MYO1D: variants seen among roughly 807,000 people sequenced by gnomAD.
The protein encoded by MYO1D is myosin ID, also known as unconventional myosin-Id.
A neutral mutation model predicts 122.0 loss-of-function variants in MYO1D; 83 were observed. That is an observed-to-expected ratio of 0.68 (90% CI 0.57 to 0.82). The LOEUF is 0.82. MYO1D is among the 40% of genes least tolerant of loss of function. The probability of loss-of-function intolerance (pLI) is 0.00; values close to 1 mark genes in which losing one functional copy is unlikely to be tolerated. For synonymous variants in MYO1D, 464 were observed against 446.9 expected, an observed-to-expected ratio of 1.04 and a Z score of -0.48; for missense variants, 1,157 against 1,269.5, an observed-to-expected ratio of 0.91 and a Z score of 1.35.
intron 1 of MYO1D, among the ~76,000 whole-genome samples, chr17:32,839,611 T>C (rs769220958): frequency 9.2e-5 from 14 of 152,094 alleles, no homozygotes; most frequent in East Asian, 1.9e-4. Flanking sequence ...AGGCAGAGGA[T>C]GAAGGGAAGC....
At chr17:32,616,718 C>T (rs1308044554) in intron 20 of MYO1D, among the ~76,000 whole-genome samples, 2 of 152,130 alleles carry the variant, frequency 1.3e-5, no homozygotes, top group South Asian at 4.1e-4. Context: ...TGCCACTCCT[C>T]CCATAGAAAG....
At chr17:32,872,745 G>A (rs1366034783) in intron 1 of MYO1D, among the ~76,000 whole-genome samples, 3 of 148,308 alleles carry the variant, frequency 2.0e-5, no homozygotes, top group Admixed American at 6.7e-5. Flanking sequence ...GCCGGACTGC[G>A]GACTGCAGTG....
chr17:32,733,399 C>T (rs1819651047), intron 14 of MYO1D, among the ~76,000 whole-genome samples: 1 of 152,150 alleles, frequency 6.6e-6, no homozygotes, highest in Non-Finnish European at 1.5e-5. Flanking sequence ...TTTCAAGCTA[C>T]CCAGATAGTA....
At chr17:32,682,584 C>G (rs2088936840) in intron 16 of MYO1D, among the ~76,000 whole-genome samples, 1 of 149,218 alleles carries the variant, frequency 6.7e-6, no homozygotes, top group South Asian at 2.1e-4. Flanking sequence ...TTGGCCCCCA[C>G]TCTCTTCTGG....
chr17:32,697,015 TA>T (rs2089181571), intron 16 of MYO1D, among the ~76,000 whole-genome samples: 1 of 152,220 alleles, frequency 6.6e-6, no homozygotes, highest in Non-Finnish European at 1.5e-5. Flanking sequence ...CAGAGTTAAT[TA>T]AGATTTTGGC....
intron 21 of MYO1D, among the ~76,000 whole-genome samples, chr17:32,534,538 G>A (rs576013223): frequency 4.7e-4 from 72 of 152,254 alleles, no homozygotes; most frequent in African/African-American, 1.4e-3. Context: ...TAGACACACA[G>A]CAAAGATTCT....
intron 1 of MYO1D, among the ~76,000 whole-genome samples, chr17:32,816,457 C>T (rs921711260): frequency 1.3e-5 from 2 of 152,160 alleles, no homozygotes; most frequent in African/African-American, 4.8e-5. Flanking sequence ...TACTTTTCGT[C>T]TTAAACTTTG....
At chr17:32,566,175 G>A (rs1416561898) in intron 21 of MYO1D, among the ~76,000 whole-genome samples, 2 of 147,964 alleles carry the variant, frequency 1.4e-5, no homozygotes, top group African/African-American at 5.1e-5. Flanking sequence ...ATAACCCCCT[G>A]AAAGTGACAG....
At chr17:32,685,702 T>C (rs748223875) in intron 16 of MYO1D, among the ~76,000 whole-genome samples, 4 of 152,264 alleles carry the variant, frequency 2.6e-5, no homozygotes, top group African/African-American at 4.8e-5. Flanking sequence ...ATAAGAACTA[T>C]AGAAAACTGT....
chr17:32,873,176 T>TC (rs1490982979), intron 1 of MYO1D, among the ~76,000 whole-genome samples: 6 of 152,194 alleles, frequency 3.9e-5, no homozygotes, highest in Non-Finnish European at 5.9e-5. Flanking sequence ...CAAGCATTTT[T>TC]CCCTCTCTAC....
Position 32,755,488 on chromosome 17 carries a change from T to C in MYO1D, c.1467+4A>G, listed in dbSNP as rs2089937708. On this transcript the variant is annotated splice_donor_region_variant and intron_variant, in intron 11 of 21. Transcript: ENST00000318217. ...AAGGAAGAAGGTGTCATTAAACACA[T>C]TACCTTTCGGCTGGAAAAATGGGCG... 1 of 1,613,176 alleles carries C rather than the reference T, an allele frequency of 6.2e-7. No homozygotes were observed. Among genetic ancestry groups the C allele is most frequent in the Non-Finnish European group, 8.5e-7 (1 of 1,179,374 alleles).
chr17:32,674,806 G>A (rs2150962573), intron 16 of MYO1D, among the ~76,000 whole-genome samples: 1 of 152,218 alleles, frequency 6.6e-6, no homozygotes, highest in South Asian at 2.1e-4. Flanking sequence ...ATGCAGCCCT[G>A]CATCCCAAAA....
intron 1 of MYO1D, among the ~76,000 whole-genome samples, chr17:32,817,346 AACC>A (rs1567656177): frequency 2.6e-5 from 4 of 152,220 alleles, no homozygotes. Flanking sequence ...ACAGGAAAAC[AACC>A]ACCAGATTAT....
At position 32,730,904 on chromosome 17, in the gene MYO1D, C is replaced by CTTT. The variant is rs754771399; in HGVS notation, c.1746+7346_1746+7348dup. ...CCACTTTATTTTCTCTTCCACGTGT[C>CTTT]TTTTTTTTTTTTTTTTTTTTCAGAG... On this transcript the variant is annotated intron_variant, in intron 14 of 21. Transcript: ENST00000318217. 2.5e-3 allele frequency among the ~76,000 whole-genome samples: 274 copies of CTTT among 108,762 alleles called. 12 individuals are homozygous for CTTT. Among genetic ancestry groups the CTTT allele is most frequent in the African/African-American group, 7.9e-3 (227 of 28,604 alleles). 71.4% of individuals were successfully genotyped at this position (108,762 alleles called of 152,430 possible). A position where few individuals can be genotyped will look rare whatever the true frequency, so the allele number is the denominator to read the frequency against.
At chr17:32,631,871 G>C (rs912165058) in intron 20 of MYO1D, among the ~76,000 whole-genome samples, 2 of 152,124 alleles carry the variant, frequency 1.3e-5, no homozygotes, top group Admixed American at 1.3e-4. Flanking sequence ...GTGAATATAG[G>C]GGTGGGGAAC....
chr17:32,592,211 G>A (rs1354508494), intron 21 of MYO1D, among the ~76,000 whole-genome samples: 2 of 152,160 alleles, frequency 1.3e-5, no homozygotes, highest in African/African-American at 2.4e-5. Flanking sequence ...AGGTTCCCCA[G>A]GAATGTACAT....
chr17:32,676,518 G>T (rs767173484), intron 16 of MYO1D, among the ~76,000 whole-genome samples: 2 of 152,070 alleles, frequency 1.3e-5, no homozygotes, highest in Non-Finnish European at 2.9e-5. Context: ...TGAAACAGGA[G>T]GAATTTTGCT....
intron 1 of MYO1D, among the ~76,000 whole-genome samples, chr17:32,863,483 T>C (rs1307505508): frequency 4.6e-5 from 7 of 152,200 alleles, no homozygotes; most frequent in African/African-American, 1.7e-4. Context: ...CCAGAGAGGA[T>C]TACCTTTGTA....
intron 14 of MYO1D, among the ~76,000 whole-genome samples, chr17:32,727,180 GA>G (rs2089587468): frequency 1.3e-5 from 2 of 152,230 alleles, no homozygotes; most frequent in Non-Finnish European, 2.9e-5. Context: ...AAAAGGCCAA[GA>G]ACACGGTTTG....
Sources: gnomAD v4.1 joint callset for allele counts (sites outside exome capture counted in the v4.1 genomes callset) on GRCh38, gnomAD v4.1.1 for gene constraint, MANE v1.5 for transcripts, NCBI Gene and HGNC (gene_info 2026-07-23, HGNC 2026-07-21) for gene names.